The following CLVS1 variants were observed in gnomAD, a reference collection of about 807,000 sequenced individuals.
CLVS1 encodes the protein clavesin-1.
Under a neutral mutation model 33.1 loss-of-function variants are expected in CLVS1, and 10 were observed. That is an observed-to-expected ratio of 0.30 (90% CI 0.19 to 0.51). The LOEUF is 0.51. Ranked by LOEUF, CLVS1 falls within the 20% of genes least tolerant of loss-of-function variation. The pLI, the probability that CLVS1 is intolerant of heterozygous loss-of-function variation, is 0.97. For missense variants in CLVS1, 343 were observed against 433.4 expected, an observed-to-expected ratio of 0.79 and a Z score of 1.85; for synonymous variants, 163 against 166.1, an observed-to-expected ratio of 0.98 and a Z score of 0.14.
the CLVS1 span, among the ~76,000 whole-genome samples, chr8:60,984,881 T>TC: frequency 6.6e-6 from 1 of 152,184 alleles, no homozygotes; most frequent in African/African-American, 2.4e-5. Context: ...GAATAGAGGT[T>TC]CCTTTCTTTC....
At chr8:61,004,739 C>T in the CLVS1 span, among the ~76,000 whole-genome samples, 2 of 152,142 alleles carry the variant, frequency 1.3e-5, no homozygotes, top group Admixed American at 6.5e-5. Context: ...GGGATGCACC[C>T]GTAACGCACC....
At chr8:61,067,558 A>C (rs1278159494) in intron 1 of CLVS1, among the ~76,000 whole-genome samples, 3 of 151,844 alleles carry the variant, frequency 2.0e-5, no homozygotes, top group Admixed American at 6.6e-5. Flanking sequence ...ACAATAGTTC[A>C]AACTATTTTT....
intron 3 of CLVS1, among the ~76,000 whole-genome samples, chr8:61,414,767 A>C (rs1785457865): frequency 6.6e-6 from 1 of 152,220 alleles, no homozygotes; most frequent in African/African-American, 2.4e-5. Context: ...GTGCAGGCAC[A>C]AACCCTCACT....
intron 2 of CLVS1, among the ~76,000 whole-genome samples, chr8:61,271,905 G>A (rs1809447776): frequency 6.6e-6 from 1 of 151,640 alleles, no homozygotes; most frequent in African/African-American, 2.4e-5. Flanking sequence ...GAGCCTGTGT[G>A]TGTCTCTGCA....
At position 61,299,767 on chromosome 8, in the gene CLVS1, G is replaced by A. The variant is rs114990777; in HGVS notation, c.-61G>A. The A allele has an allele frequency of 1.6e-3, 2,069 of 1,279,438 alleles. 24 individuals are homozygous for A. The African/African-American group carries it at 0.027, about 17-fold the overall frequency. 79.3% of individuals were successfully genotyped at this position (1,279,438 alleles called of 1,614,324 possible). A position where few individuals can be genotyped will look rare whatever the true frequency, so the allele number is the denominator to read the frequency against. ...AGAAGACCCTCTATTTGTCTGTTCC[G>A]GGGCAGCCTGGTAGTAAAACACTGT... On this transcript the variant is annotated 5_prime_UTR_variant, in exon 2 of 6. Coordinates refer to ENST00000325897, the MANE Select transcript of CLVS1 (RefSeq NM_173519.3).
chr8:61,460,555 T>G (rs111512956), intron 5 of CLVS1, among the ~76,000 whole-genome samples: 2,383 of 152,266 alleles, frequency 0.016, 23 homozygotes, highest in South Asian at 0.039. Context: ...CTATTGAAAC[T>G]CTCATAAAAT....
intron 3 of CLVS1, among the ~76,000 whole-genome samples, chr8:61,387,420 T>C (rs1814127353): frequency 6.6e-6 from 1 of 151,062 alleles, no homozygotes; most frequent in East Asian, 1.9e-4. Context: ...AACCCAAGAA[T>C]TGTTAGCCCT....
intron 2 of CLVS1, among the ~76,000 whole-genome samples, chr8:61,209,884 G>A (rs1490673675): frequency 1.3e-5 from 2 of 152,182 alleles, no homozygotes; most frequent in Non-Finnish European, 2.9e-5. Context: ...GCTTCTAACC[G>A]ATAGAGTATG....
chr8:61,068,227 G>GTATATA lies in CLVS1; in HGVS notation c.-243+10998_-243+10999insATATAT, dbSNP rs761732435. 2.2e-3 allele frequency among the ~76,000 whole-genome samples: 198 copies of GTATATA among 88,292 alleles called. 3 individuals carry two copies. The highest frequency in any genetic ancestry group is 7.5e-3 in the African/African-American group (189 of 25,112). The allele number at this position is 88,292 out of a possible 152,430, so 57.9% of individuals were successfully genotyped here. ...TATATATATATATATATGTATGTAT[G>GTATATA]TGTATATATATATATATATATGTAT... On this transcript the variant is annotated intron_variant, in intron 1 of 2. Transcript: ENST00000522621.
intron 3 of CLVS1, among the ~76,000 whole-genome samples, chr8:61,386,509 G>C (rs1304222311): frequency 1.3e-5 from 2 of 152,190 alleles, no homozygotes; most frequent in Non-Finnish European, 2.9e-5. Context: ...CTGAAAAAGA[G>C]TACTATGACT....
intron 2 of CLVS1, among the ~76,000 whole-genome samples, chr8:61,236,624 G>T (rs2931354): frequency 0.62 from 94,091 of 151,928 alleles, 31,247 homozygotes; most frequent in East Asian, 0.97. Flanking sequence ...TTTTGTGAAA[G>T]CCCATCTCTC....
chr8:61,201,304 G>C (rs1433397939), intron 2 of CLVS1, among the ~76,000 whole-genome samples: 2 of 152,178 alleles, frequency 1.3e-5, no homozygotes, highest in African/African-American at 4.8e-5. Context: ...TAGCAACACA[G>C]TACATAGGCC....
chr8:61,005,216 C>T, the CLVS1 span, among the ~76,000 whole-genome samples: 1 of 152,234 alleles, frequency 6.6e-6, no homozygotes. Flanking sequence ...GCAGCCCAAA[C>T]TCCATCCTTC....
the CLVS1 span, among the ~76,000 whole-genome samples, chr8:61,004,899 A>G: frequency 2.0e-3 from 306 of 152,326 alleles, 1 homozygote; most frequent in African/African-American, 7.0e-3. Flanking sequence ...CCCATCTCCC[A>G]TATCTGTCGG....
At chr8:61,446,545 G>T (rs1816763365) in intron 3 of CLVS1, among the ~76,000 whole-genome samples, 2 of 152,134 alleles carry the variant, frequency 1.3e-5, no homozygotes, top group Admixed American at 1.3e-4. Flanking sequence ...CATGTTGAGT[G>T]GGCTGAGCAT....
chr8:61,238,598 G>A (rs1808620596), intron 2 of CLVS1, among the ~76,000 whole-genome samples: 2 of 152,160 alleles, frequency 1.3e-5, no homozygotes, highest in Non-Finnish European at 2.9e-5. Flanking sequence ...TCAAGTGACA[G>A]GTAGAGGGCC....
chr8:61,454,266 T>C lies in CLVS1; in HGVS notation c.741+15T>C. ...CCAGGAAACGGGTAATGAAAACAAA[T>C]GCATCATGTAAATTCCTGGTACAAT... On this transcript the variant is annotated intron_variant, in intron 4 of 5. Transcript: ENST00000325897. 6.4e-7 allele frequency: 1 copy of C among 1,561,558 alleles called. No homozygotes were observed. The highest frequency in any genetic ancestry group is 8.8e-7 in the Non-Finnish European group (1 of 1,132,126).
intron 4 of CLVS1, among the ~76,000 whole-genome samples, chr8:61,456,917 C>CAAA (rs764079859): frequency 8.0e-6 from 1 of 124,272 alleles, no homozygotes; most frequent in Non-Finnish European, 1.7e-5. Flanking sequence ...GACTCCGTCT[C>CAAA]AAAAAAAAAA....
At chr8:61,013,957 A>G in the CLVS1 span, among the ~76,000 whole-genome samples, 3 of 151,920 alleles carry the variant, frequency 2.0e-5, no homozygotes, top group Admixed American at 2.0e-4. Flanking sequence ...CTCCTGGGGG[A>G]CTGAGGGTCA....
Sources: allele counts gnomAD v4.1 joint callset (sites outside exome capture counted in the v4.1 genomes callset), GRCh38; gene constraint gnomAD v4.1.1; transcripts MANE v1.5; gene names NCBI Gene and HGNC (gene_info 2026-07-23, HGNC 2026-07-21).